Variants in KIF5C observed in about 807,000 individuals in gnomAD.
KIF5C encodes kinesin family member 5C, also known as kinesin heavy chain isoform 5C.
A neutral mutation model predicts 125.2 loss-of-function variants in KIF5C; 18 were observed. The ratio of observed to expected loss-of-function variants is 0.14; its 90% CI spans 0.10 to 0.21. The LOEUF (loss-of-function observed/expected upper bound fraction) is 0.21. Ranked by LOEUF, KIF5C falls within the 10% of genes least tolerant of loss-of-function variation. KIF5C has a pLI of 1.00. For synonymous variants in KIF5C, 405 were observed against 434.0 expected (o/e 0.93, Z 0.83); for missense variants, 780 against 1,183.8 (o/e 0.66, Z 5.01).
chr2:148,881,719 C>CAGGT (rs1558869803), intron 1 of KIF5C, among the ~76,000 whole-genome samples: 1 of 151,614 alleles, frequency 6.6e-6, no homozygotes, highest in African/African-American at 2.4e-5. Context: ...GTCCTTACCT[C>CAGGT]TAAATCATCG....
At chr2:148,964,782 G>A (rs920521336) in intron 11 of KIF5C, among the ~76,000 whole-genome samples, 12 of 152,146 alleles carry the variant, frequency 7.9e-5, no homozygotes, top group African/African-American at 2.9e-4. Flanking sequence ...TGGGCTCGAG[G>A]GATAGGCGGG....
At chr2:148,912,318 A>G (rs1297212665) in intron 1 of KIF5C, among the ~76,000 whole-genome samples, 2 of 152,216 alleles carry the variant, frequency 1.3e-5, no homozygotes, top group Non-Finnish European at 2.9e-5. Context: ...CTCCAACTAA[A>G]ATTAGAAATC....
Position 149,025,024 on chromosome 2 carries a change from A to G in KIF5C, c.*1954A>G, listed in dbSNP as rs1247165855. 1 of 152,300 alleles carries G rather than the reference A, an allele frequency of 6.6e-6. No homozygotes were observed. Among genetic ancestry groups the G allele is most frequent in the Non-Finnish European group, 1.5e-5 (1 of 68,040 alleles). The allele number at this position is 152,300 out of a possible 1,614,324, so 9.4% of individuals were successfully genotyped here. A position where few individuals can be genotyped will look rare whatever the true frequency, so the allele number is the denominator to read the frequency against. On this transcript the variant is annotated 3_prime_UTR_variant, in exon 26 of 26. Transcript: ENST00000435030. The stretch of plus-strand genomic sequence containing the variant: ...TCCATTACTTTTTGTTTGGAAATTG[A>G]ACAAAGGTCAGTAATGGTTTTTGGC...
At chr2:149,014,729 AG>A (rs1265648065) in intron 25 of KIF5C, among the ~76,000 whole-genome samples, 1 of 152,232 alleles carries the variant, frequency 6.6e-6, no homozygotes, top group African/African-American at 2.4e-5. Context: ...GCACTGCAGA[AG>A]GTGGTAGTTG....
At chr2:148,955,778 CTG>C (rs1038946044) in intron 10 of KIF5C, among the ~76,000 whole-genome samples, 27 of 152,150 alleles carry the variant, frequency 1.8e-4, no homozygotes, top group African/African-American at 5.8e-4. Context: ...ATCTCCGTTT[CTG>C]TCTCTCACAC....
intron 17 of KIF5C, among the ~76,000 whole-genome samples, chr2:148,996,245 T>C (rs1681669421): frequency 2.0e-5 from 3 of 152,256 alleles, no homozygotes; most frequent in Admixed American, 2.0e-4. Flanking sequence ...GGTGATGCTG[T>C]TATCAGTATT....
chr2:148,942,017 C>T, intron 6 of KIF5C, 27 bp downstream of exon 6: 1 of 1,605,184 alleles, frequency 6.2e-7, no homozygotes, highest in Non-Finnish European at 8.5e-7. Flanking sequence ...ATTGGTGATG[C>T]AATTAATTTC....
chr2:148,911,007 G>A (rs941704598), intron 1 of KIF5C, among the ~76,000 whole-genome samples: 2 of 152,200 alleles, frequency 1.3e-5, no homozygotes, highest in Admixed American at 1.3e-4. Context: ...AGGCAGAGAA[G>A]ACAGGCAGTA....
intron 1 of KIF5C, among the ~76,000 whole-genome samples, chr2:148,906,362 G>A (rs1681108285): frequency 6.6e-6 from 1 of 152,188 alleles, no homozygotes; most frequent in Non-Finnish European, 1.5e-5. Context: ...ATGGGAGGGA[G>A]ATGCCACAGT....
chr2:148,979,046 T>G, intron 13 of KIF5C, 56 bp downstream of exon 13: 1 of 1,451,260 alleles, frequency 6.9e-7, no homozygotes, highest in East Asian at 2.6e-5. Flanking sequence ...CTCTTTGTTG[T>G]TGATGTTTGT....
rs528770541 is a variant in KIF5C, at chr2:148,954,483, G to A, written c.968+4021G>A. Among the ~76,000 whole-genome samples, 3 of 152,328 alleles carry A rather than the reference G, an allele frequency of 2.0e-5. No individual in the cohort carries two copies. The East Asian group carries it at 5.8e-4, about 29-fold the overall frequency. ...GTGTGAACTCAAATCACCCAATTGT[G>A]TTGGAAGCCTATTTAATGTACCTTG... On this transcript the variant is annotated intron_variant, in intron 10 of 25. Transcript: ENST00000435030.
intron 16 of KIF5C, among the ~76,000 whole-genome samples, chr2:148,994,169 G>C (rs972475129): frequency 3.3e-5 from 5 of 152,274 alleles, no homozygotes; most frequent in South Asian, 2.1e-4. Flanking sequence ...CATGTTAACT[G>C]GATGGTGAGG....
chr2:149,013,308 A>G (rs919874285), intron 25 of KIF5C, among the ~76,000 whole-genome samples: 1 of 152,202 alleles, frequency 6.6e-6, no homozygotes, highest in East Asian at 1.9e-4. Flanking sequence ...TTCAGCCATC[A>G]TGCCTACATT....
At chr2:148,944,309 T>G (rs1203614554) in intron 7 of KIF5C, among the ~76,000 whole-genome samples, 1 of 152,194 alleles carries the variant, frequency 6.6e-6, no homozygotes, top group African/African-American at 2.4e-5. Flanking sequence ...CTGTACCCAA[T>G]AAACACCAAT....
chr2:148,981,629 A>G (rs1477856208), intron 14 of KIF5C, 68 bp downstream of exon 14: 1 of 1,491,150 alleles, frequency 6.7e-7, no homozygotes, highest in Non-Finnish European at 8.9e-7. Flanking sequence ...ATTGATATTC[A>G]TTGACAGACA....
chr2:148,917,734 A>G (rs774750887), intron 1 of KIF5C, among the ~76,000 whole-genome samples: 18 of 152,202 alleles, frequency 1.2e-4, no homozygotes, highest in Admixed American at 6.5e-4. Flanking sequence ...GTCAGAAGGT[A>G]ATTCCACAGA....
chr2:148,937,305 C>T lies in KIF5C; in HGVS notation c.313C>T (p.Leu105Phe). Residue 105 changes from leucine to phenylalanine, a missense_variant, in exon 4 of 26, where the codon CTC becomes TTC. Physicochemically the swap from Leu to Phe is conservative, Grantham distance 22. Around this residue, in one of 2 missense-constraint regions of KIF5C, gnomAD observed 207 missense variants for 441.2 expected, o/e 0.47. Coordinates refer to ENST00000435030, the MANE Select transcript of KIF5C (RefSeq NM_004522.3). ...TMEGKLHDPQ[L>F]MGIIPRIAHD... ...CTAGGGGAAGCTGCATGACCCCCAGCTCATGGGGATCATCCCACGAATTGC... is the reference window on the plus strand; with the variant it reads ...CTAGGGGAAGCTGCATGACCCCCAGTTCATGGGGATCATCCCACGAATTGC... 6.3e-7 allele frequency: 1 copy of T among 1,599,324 alleles called. No individual in the cohort carries two copies. The highest frequency in any genetic ancestry group is 8.5e-7 in the Non-Finnish European group (1 of 1,172,292).
intron 21 of KIF5C, among the ~76,000 whole-genome samples, chr2:149,004,025 CAG>C (rs1681933144): frequency 6.6e-6 from 1 of 152,240 alleles, no homozygotes. Flanking sequence ...GTGTCTGTAA[CAG>C]AGTGAGTGCT....
chr2:149,000,638 G>A, intron 20 of KIF5C, 84 bp from the exon 21 acceptor site: 1 of 1,591,060 alleles, frequency 6.3e-7, no homozygotes, highest in East Asian at 2.2e-5. Context: ...GGTGGGTTTT[G>A]TTGATTTATC....
Sources: allele counts gnomAD v4.1 joint callset (sites outside exome capture counted in the v4.1 genomes callset), GRCh38; gene constraint gnomAD v4.1.1; regional missense constraint gnomAD v4.1.1; transcripts MANE v1.5; gene names NCBI Gene and HGNC (gene_info 2026-07-23, HGNC 2026-07-21).